SAMMSON: variants seen among roughly 807,000 people sequenced by gnomAD.
The protein encoded by SAMMSON is long intergenic non-protein coding RNA 1212.
chr3:70,285,321 T>G (rs1329019881), intron 6 of SAMMSON, among the ~76,000 whole-genome samples: 102 of 151,320 alleles, frequency 6.7e-4, no homozygotes, highest in African/African-American at 2.4e-3. Context: ...GGTTTTTTGT[T>G]CTTGCGATAG....
chr3:70,153,541 T>C (rs2106688568), intron 4 of SAMMSON, among the ~76,000 whole-genome samples: 1 of 152,052 alleles, frequency 6.6e-6, no homozygotes, highest in South Asian at 2.1e-4. Flanking sequence ...GGCCTTCACC[T>C]GGGGAACATG....
At chr3:70,206,528 G>T (rs1701292125) in intron 4 of SAMMSON, 2 of 397,126 alleles carry the variant, frequency 5.0e-6, no homozygotes, top group East Asian at 7.1e-5. Context: ...ATGGGGGTTG[G>T]GAGCTTTATT....
At chr3:70,346,735 C>T (rs956727970) in intron 7 of SAMMSON, among the ~76,000 whole-genome samples, 1 of 152,218 alleles carries the variant, frequency 6.6e-6, no homozygotes, top group East Asian at 1.9e-4. Context: ...AATATAATTT[C>T]TAATTCTAAA....
intron 3 of SAMMSON, among the ~76,000 whole-genome samples, chr3:70,062,047 C>G (rs984271985): frequency 2.0e-5 from 3 of 152,130 alleles, no homozygotes; most frequent in African/African-American, 7.2e-5. Flanking sequence ...GGCAAACCCT[C>G]CACAGTGATC....
chr3:70,419,673 C>T (rs1701296048), intron 2 of SAMMSON, among the ~76,000 whole-genome samples: 1 of 152,176 alleles, frequency 6.6e-6, no homozygotes, highest in Non-Finnish European at 1.5e-5. Context: ...GAGTCCCGCT[C>T]TGTCACCCAG....
intron 4 of SAMMSON, among the ~76,000 whole-genome samples, chr3:70,149,349 G>T (rs888674576): frequency 6.6e-6 from 1 of 152,012 alleles, no homozygotes; most frequent in Non-Finnish European, 1.5e-5. Context: ...ATGTAAAGAC[G>T]CAAACCTGCT....
intron 6 of SAMMSON, among the ~76,000 whole-genome samples, chr3:70,276,818 C>T (rs1312304089): frequency 3.9e-5 from 6 of 152,212 alleles, no homozygotes; most frequent in Admixed American, 3.9e-4. Context: ...GAAATATTTA[C>T]TATCTGCCCC....
At chr3:70,430,889 T>A (rs779416198) in intron 2 of SAMMSON, among the ~76,000 whole-genome samples, 1 of 152,116 alleles carries the variant, frequency 6.6e-6, no homozygotes, top group Non-Finnish European at 1.5e-5. Context: ...TCTGAGAAAA[T>A]TCCACCAGGA....
chr3:70,338,658 C>G (rs1227949022), intron 7 of SAMMSON, among the ~76,000 whole-genome samples: 1 of 152,076 alleles, frequency 6.6e-6, no homozygotes, highest in Non-Finnish European at 1.5e-5. Context: ...ACAACTGCTT[C>G]AAAGGGAATA....
At chr3:70,409,465 T>TAA (rs78087148) in intron 2 of SAMMSON, among the ~76,000 whole-genome samples, 4 of 142,160 alleles carry the variant, frequency 2.8e-5, no homozygotes, top group African/African-American at 7.7e-5. Flanking sequence ...AGGCTTTGCT[T>TAA]AAAAAAAAAA....
rs553949724 is a variant in SAMMSON at position 70,111,598 on chromosome 3, G to A, written n.507+40033G>A. Among the ~76,000 whole-genome samples the A allele has an allele frequency of 2.1e-4, 32 of 152,274 alleles. No individual in the cohort carries two copies. The South Asian group carries it at 6.0e-3, about 29-fold the overall frequency. ...CATGAGGAAGTGATTCACTACTAGG[G>A]AGAATCAACTAAGTTTACAAATAAG... On this transcript the variant is annotated intron_variant and non_coding_transcript_variant, in intron 4 of 9. Transcript: ENST00000642114.
chr3:70,001,532 G>T (rs1264665022), intron 1 of SAMMSON, among the ~76,000 whole-genome samples: 3 of 151,286 alleles, frequency 2.0e-5, no homozygotes, highest in Non-Finnish European at 4.4e-5. Context: ...AAACATAAAT[G>T]GTGGTTTACT....
chr3:70,192,112 G>T (rs981839506), intron 4 of SAMMSON, among the ~76,000 whole-genome samples: 1 of 152,020 alleles, frequency 6.6e-6, no homozygotes, highest in Non-Finnish European at 1.5e-5. Context: ...AGATGGCATT[G>T]CAATCCATGA....
intron 4 of SAMMSON, among the ~76,000 whole-genome samples, chr3:70,210,134 C>T (rs552756915): frequency 4.6e-5 from 7 of 151,998 alleles, no homozygotes; most frequent in South Asian, 2.1e-4. Flanking sequence ...TAAGAACATG[C>T]GGCGAATACA....
chr3:70,153,981 C>T (rs1355986159), intron 4 of SAMMSON, among the ~76,000 whole-genome samples: 1 of 151,946 alleles, frequency 6.6e-6, no homozygotes, highest in African/African-American at 2.4e-5. Context: ...TGACTTATTT[C>T]ACTTAGCATA....
intron 3 of SAMMSON, among the ~76,000 whole-genome samples, chr3:70,045,085 T>TA (rs1287888717): frequency 1.3e-5 from 1 of 79,176 alleles, no homozygotes; most frequent in Non-Finnish European, 2.2e-5. Context: ...TTAATATATA[T>TA]AATTAATTAT....
chr3:70,327,324 T>A (rs940397371), intron 7 of SAMMSON, among the ~76,000 whole-genome samples: 1 of 152,116 alleles, frequency 6.6e-6, no homozygotes, highest in African/African-American at 2.4e-5. Flanking sequence ...TAATTAGACA[T>A]TAGACAACAA....
At chr3:70,280,183 G>A (rs1702066423) in intron 6 of SAMMSON, among the ~76,000 whole-genome samples, 1 of 152,012 alleles carries the variant, frequency 6.6e-6, no homozygotes, top group Non-Finnish European at 1.5e-5. Flanking sequence ...CTGTCCCCAT[G>A]GTTGTATCAT....
chr3:70,006,323 G>A (rs2066926178), intron 1 of SAMMSON, among the ~76,000 whole-genome samples: 1 of 152,116 alleles, frequency 6.6e-6, no homozygotes, highest in African/African-American at 2.4e-5. Context: ...GTCATCCAAG[G>A]GAAACCAATA....
Sources: gnomAD v4.1 joint callset for allele counts (sites outside exome capture counted in the v4.1 genomes callset) on GRCh38, gnomAD v4.1.1 for gene constraint, MANE v1.5 for transcripts, NCBI Gene and HGNC (gene_info 2026-07-23, HGNC 2026-07-21) for gene names.